The following TENM3 variants were observed in gnomAD, a reference collection of about 807,000 sequenced individuals.
TENM3 encodes the protein teneurin transmembrane protein 3.
A neutral mutation model predicts 255.1 loss-of-function variants in TENM3; 63 were observed. That is an observed-to-expected ratio of 0.25 (90% confidence interval 0.20 to 0.30). The LOEUF is 0.30. Ranked by LOEUF, TENM3 falls within the 10% of genes least tolerant of loss-of-function variation. The pLI is 1.00. For missense variants in TENM3, 2,929 were observed against 3,461.1 expected (o/e 0.85, Z 3.86); for synonymous variants, 1,306 against 1,322.3 (o/e 0.99, Z 0.27).
At chr4:182,094,627 A>G in the TENM3 span, among the ~76,000 whole-genome samples, 1 of 152,202 alleles carries the variant, frequency 6.6e-6, no homozygotes, top group Non-Finnish European at 1.5e-5. Context: ...CAAATCTCAT[A>G]CAATGTTATG....
chr4:182,490,011 G>A lies in TENM3; in HGVS notation c.512-110913G>A, dbSNP rs201957825. On this transcript the variant is annotated intron_variant, in intron 3 of 27. Coordinates refer to ENST00000511685, the MANE Select transcript of TENM3 (RefSeq NM_001080477.4). ...TGATAAAATGTGTAAGAGGAGTAAA[G>A]ACCAAATTCTGTTGGAGAAAGCAGA... Among the ~76,000 whole-genome samples the A allele has an allele frequency of 5.9e-5, 9 of 152,260 alleles. 1 individual carries two copies. In the East Asian group the frequency reaches 1.7e-3, roughly 29 times the overall value.
chr4:182,069,780 A>T, the TENM3 span, among the ~76,000 whole-genome samples: 24 of 152,166 alleles, frequency 1.6e-4, no homozygotes, highest in Non-Finnish European at 1.2e-4. Flanking sequence ...TCTGCTCAGA[A>T]ATCTTGACAG....
the TENM3 span, among the ~76,000 whole-genome samples, chr4:181,597,265 T>A: frequency 6.6e-6 from 1 of 152,222 alleles, no homozygotes; most frequent in African/African-American, 2.4e-5. Flanking sequence ...TATTTAGTGA[T>A]TGAAGTAAGT....
the TENM3 span, among the ~76,000 whole-genome samples, chr4:181,496,711 C>T: frequency 6.6e-6 from 1 of 152,118 alleles, no homozygotes; most frequent in Non-Finnish European, 1.5e-5. Context: ...TCATTAAGAC[C>T]AGTGTGATTA....
chr4:182,597,189 G>A (rs949556009), intron 3 of TENM3, among the ~76,000 whole-genome samples: 14 of 151,598 alleles, frequency 9.2e-5, no homozygotes, highest in Non-Finnish European at 1.5e-4. Flanking sequence ...GATCGCTTGA[G>A]CCCAGGAGTT....
At chr4:182,444,878 G>A (rs541023409) in intron 3 of TENM3, among the ~76,000 whole-genome samples, 1 of 152,242 alleles carries the variant, frequency 6.6e-6, no homozygotes, top group South Asian at 2.1e-4. Context: ...TGGGCTCACT[G>A]CAACCTGCAA....
At chr4:181,576,201 AGTCT>A in the TENM3 span, among the ~76,000 whole-genome samples, 2 of 152,326 alleles carry the variant, frequency 1.3e-5, no homozygotes, top group African/African-American at 2.4e-5. Flanking sequence ...GAGAATATGC[AGTCT>A]GTCTATTTCT....
intron 2 of TENM3, among the ~76,000 whole-genome samples, chr4:182,328,653 T>C (rs1763567633): frequency 6.6e-6 from 1 of 152,176 alleles, no homozygotes; most frequent in Non-Finnish European, 1.5e-5. Context: ...GATTGATTTC[T>C]AAGTGTGCCT....
chr4:182,054,855 G>C, the TENM3 span, among the ~76,000 whole-genome samples: 2 of 152,052 alleles, frequency 1.3e-5, no homozygotes, highest in African/African-American at 4.8e-5. Context: ...AGAAGGAGAG[G>C]TCATAGGAGA....
At chr4:182,323,026 A>G (rs1016489199) in intron 1 of TENM3, among the ~76,000 whole-genome samples, 3 of 152,186 alleles carry the variant, frequency 2.0e-5, no homozygotes, top group African/African-American at 7.2e-5. Context: ...CAACATGAGA[A>G]GGAATAAAGA....
intron 3 of TENM3, among the ~76,000 whole-genome samples, chr4:182,386,913 C>T (rs1220953769): frequency 2.0e-5 from 3 of 152,236 alleles, no homozygotes; most frequent in Non-Finnish European, 2.9e-5. Context: ...TCCCATCGAC[C>T]GCCCAAGGGC....
At position 182,792,209 on chromosome 4, in the gene TENM3, C is replaced by T. The variant is rs934184437; in HGVS notation, c.5602-65C>T. On this transcript the variant is annotated intron_variant, in intron 25 of 27. Transcript: ENST00000511685. This position sits in a 1 kb window ranked among gnomAD's most constrained non-coding sequence, Gnocchi z 6.3. Reference sequence around the variant, plus strand: ...TGGAATGTTTCTGTGCATCTGTGGTCACTAAATCTGCTTTTGCATCTCCCG... The same window carrying T: ...TGGAATGTTTCTGTGCATCTGTGGTTACTAAATCTGCTTTTGCATCTCCCG... 1.3e-5 allele frequency: 18 copies of T among 1,418,190 alleles called. No homozygotes were observed. The African/African-American group carries it at 2.0e-4, about 16-fold the overall frequency. 87.9% of individuals were successfully genotyped at this position (1,418,190 alleles called of 1,614,324 possible). A position where few individuals can be genotyped will look rare whatever the true frequency, so the allele number is the denominator to read the frequency against.
chr4:181,970,196 G>A, the TENM3 span, among the ~76,000 whole-genome samples: 1 of 152,060 alleles, frequency 6.6e-6, no homozygotes, highest in Non-Finnish European at 1.5e-5. Context: ...ATTACCAGTA[G>A]TCATTTAAAT....
chr4:181,990,099 C>A, the TENM3 span, among the ~76,000 whole-genome samples: 2 of 152,076 alleles, frequency 1.3e-5, no homozygotes, highest in African/African-American at 4.8e-5. Context: ...TACTAACCAG[C>A]TACGAAAAGG....
chr4:181,575,960 G>A, the TENM3 span, among the ~76,000 whole-genome samples: 1 of 152,092 alleles, frequency 6.6e-6, no homozygotes, highest in Non-Finnish European at 1.5e-5. Context: ...GCTTTGTTAG[G>A]TTTTTTGTAT....
the TENM3 span, among the ~76,000 whole-genome samples, chr4:181,724,083 T>C: frequency 1.3e-5 from 2 of 152,236 alleles, no homozygotes; most frequent in Non-Finnish European, 1.5e-5. Flanking sequence ...GCTTCTCCAC[T>C]GGTTCACCTT....
chr4:181,850,609 T>C, the TENM3 span, among the ~76,000 whole-genome samples: 1 of 152,298 alleles, frequency 6.6e-6, no homozygotes, highest in East Asian at 1.9e-4. Flanking sequence ...GTTATTGCTA[T>C]AAAAATATTA....
At chr4:182,263,632 AC>A (rs757465327) in intron 1 of TENM3, among the ~76,000 whole-genome samples, 1 of 151,990 alleles carries the variant, frequency 6.6e-6, no homozygotes, top group Non-Finnish European at 1.5e-5. Context: ...AGCCGCCTAA[AC>A]TTTTCAGTGT....
At chr4:182,784,707 C>T (rs1170746424) in intron 24 of TENM3, among the ~76,000 whole-genome samples, 2 of 151,546 alleles carry the variant, frequency 1.3e-5, no homozygotes, top group South Asian at 4.2e-4. Context: ...ATCAGCGAGA[C>T]TCCGTGGGCG....
Sources: gnomAD v4.1 joint callset for allele counts (sites outside exome capture counted in the v4.1 genomes callset) on GRCh38, gnomAD v4.1.1 for gene constraint, Gnocchi (gnomAD v3.1) non-coding constraint, MANE v1.5 for transcripts, NCBI Gene and HGNC (gene_info 2026-07-23, HGNC 2026-07-21) for gene names.